NXPH1: variants seen among roughly 807,000 people sequenced by gnomAD.
NXPH1 encodes the protein neurexophilin-1.
NXPH1 carries 5 observed loss-of-function variants against 23.7 expected under a neutral mutation model. The observed-to-expected ratio is 0.21, with a 90% CI of 0.11 to 0.44. The LOEUF (loss-of-function observed/expected upper bound fraction) is 0.44. Ranked by LOEUF, NXPH1 falls within the 20% of genes least tolerant of loss-of-function variation. The probability of loss-of-function intolerance (pLI) is 0.99; values close to 1 mark genes in which losing one functional copy is unlikely to be tolerated. For synonymous variants in NXPH1, 144 were observed against 122.2 expected (o/e 1.18, Z -1.18); for missense variants, 324 against 321.6 (o/e 1.01, Z -0.06).
At chr7:8,512,962 C>A (rs1369771056) in intron 2 of NXPH1, among the ~76,000 whole-genome samples, 1 of 152,120 alleles carries the variant, frequency 6.6e-6, no homozygotes, top group Non-Finnish European at 1.5e-5. Flanking sequence ...AGCAAGTAAT[C>A]CTTAGTGGTA....
intron 2 of NXPH1, among the ~76,000 whole-genome samples, chr7:8,454,172 A>G (rs1426583938): frequency 1.3e-5 from 2 of 152,062 alleles, no homozygotes; most frequent in Admixed American, 6.6e-5. Context: ...GAAATAATCT[A>G]TAAAACAACT....
chr7:8,544,004 C>A (rs1818158635), intron 2 of NXPH1, among the ~76,000 whole-genome samples: 1 of 151,496 alleles, frequency 6.6e-6, no homozygotes, highest in Admixed American at 6.6e-5. Flanking sequence ...TAACCGAGTT[C>A]ATACAGTTAA....
chr7:8,707,953 T>C (rs1486311152), intron 2 of NXPH1, among the ~76,000 whole-genome samples: 1 of 152,168 alleles, frequency 6.6e-6, no homozygotes, highest in Non-Finnish European at 1.5e-5. Flanking sequence ...TTTTTTCTTT[T>C]GAAAATGATC....
chr7:8,441,092 T>C (rs1185198530), intron 2 of NXPH1, among the ~76,000 whole-genome samples: 1 of 152,190 alleles, frequency 6.6e-6, no homozygotes, highest in Non-Finnish European at 1.5e-5. Flanking sequence ...AAGCTCCTCT[T>C]GGGCAACCAT....
chr7:8,682,832 A>C (rs1254438749), intron 2 of NXPH1, among the ~76,000 whole-genome samples: 1 of 152,244 alleles, frequency 6.6e-6, no homozygotes, highest in Non-Finnish European at 1.5e-5. Context: ...ACCTTTTAAT[A>C]GTTCAAGTCA....
intron 2 of NXPH1, among the ~76,000 whole-genome samples, chr7:8,586,033 G>C (rs754195473): frequency 2.0e-5 from 3 of 152,144 alleles, no homozygotes; most frequent in Non-Finnish European, 4.4e-5. Flanking sequence ...AGTTATCATG[G>C]AGAGGTTTGC....
At chr7:8,528,586 T>C (rs1817901739) in intron 2 of NXPH1, among the ~76,000 whole-genome samples, 1 of 152,222 alleles carries the variant, frequency 6.6e-6, no homozygotes, top group African/African-American at 2.4e-5. Flanking sequence ...ATGAAAAATA[T>C]GTTCCTTTTT....
intron 2 of NXPH1, among the ~76,000 whole-genome samples, chr7:8,656,430 A>G (rs1443876551): frequency 6.6e-6 from 1 of 152,054 alleles, no homozygotes; most frequent in Admixed American, 6.6e-5. Flanking sequence ...TATCCCCATT[A>G]CAGAGAAGAG....
intron 2 of NXPH1, among the ~76,000 whole-genome samples, chr7:8,525,545 G>A (rs188229453): frequency 2.0e-5 from 3 of 152,208 alleles, no homozygotes; most frequent in South Asian, 2.1e-4. Context: ...ACTTCACCGC[G>A]GTCCCCTCCC....
intron 2 of NXPH1, among the ~76,000 whole-genome samples, chr7:8,480,634 C>G (rs1000274466): frequency 7.2e-5 from 11 of 152,174 alleles, no homozygotes; most frequent in African/African-American, 2.7e-4. Flanking sequence ...CATGCCTTAA[C>G]ACTCCCTGAA....
intron 2 of NXPH1, among the ~76,000 whole-genome samples, chr7:8,562,675 G>T (rs1818467577): frequency 6.6e-6 from 1 of 151,596 alleles, no homozygotes; most frequent in Non-Finnish European, 1.5e-5. Flanking sequence ...TATCCTAATA[G>T]ATAATATCCT....
chr7:8,491,373 T>C (rs1190897540), intron 2 of NXPH1, among the ~76,000 whole-genome samples: 1 of 152,044 alleles, frequency 6.6e-6, no homozygotes, highest in Non-Finnish European at 1.5e-5. Flanking sequence ...AGAGTTGTTA[T>C]GCTGCATTAA....
chr7:8,539,554 C>G (rs1031786130), intron 2 of NXPH1, among the ~76,000 whole-genome samples: 2 of 151,940 alleles, frequency 1.3e-5, no homozygotes. Flanking sequence ...TCAAGACTTT[C>G]ACAGTGGTTG....
chr7:8,480,511 G>A (rs113635526), intron 2 of NXPH1, among the ~76,000 whole-genome samples: 7 of 152,208 alleles, frequency 4.6e-5, no homozygotes, highest in African/African-American at 1.4e-4. Context: ...TTGCCTCCAG[G>A]GAAAACAAGG....
chr7:8,604,737 C>T (rs1254515948), intron 2 of NXPH1, among the ~76,000 whole-genome samples: 1 of 152,014 alleles, frequency 6.6e-6, no homozygotes, highest in Non-Finnish European at 1.5e-5. Flanking sequence ...CAATATGGTA[C>T]TAGACTACTA....
At chr7:8,684,527 G>C (rs183331558) in intron 2 of NXPH1, among the ~76,000 whole-genome samples, 1 of 152,134 alleles carries the variant, frequency 6.6e-6, no homozygotes, top group South Asian at 2.1e-4. Context: ...GAAAATGCAC[G>C]TCTCCTGATA....
intron 2 of NXPH1, among the ~76,000 whole-genome samples, chr7:8,516,058 T>C (rs989294526): frequency 7.2e-5 from 11 of 152,174 alleles, no homozygotes. Flanking sequence ...TTTACTCATC[T>C]GTAACACCAT....
At chr7:8,633,569 A>G (rs1820168237) in intron 2 of NXPH1, among the ~76,000 whole-genome samples, 1 of 152,248 alleles carries the variant, frequency 6.6e-6, no homozygotes. Context: ...AGTAAGCTCT[A>G]ATGATCTTCT....
intron 2 of NXPH1, among the ~76,000 whole-genome samples, chr7:8,535,755 A>C (rs1274365253): frequency 6.6e-6 from 1 of 152,046 alleles, no homozygotes; most frequent in Admixed American, 6.6e-5. Context: ...GTTTGTGGAC[A>C]AGGTAAAATT....
Sources: allele counts gnomAD v4.1 joint callset (sites outside exome capture counted in the v4.1 genomes callset), GRCh38; gene constraint gnomAD v4.1.1; transcripts MANE v1.5; gene names NCBI Gene and HGNC (gene_info 2026-07-23, HGNC 2026-07-21).